BMAL2: variants seen among roughly 807,000 people sequenced by gnomAD.
BMAL2 encodes basic helix-loop-helix ARNT-like protein 2.
chr12:27,418,977 TAA>T, the BMAL2 span, among the ~76,000 whole-genome samples: 1 of 147,546 alleles, frequency 6.8e-6, no homozygotes, highest in East Asian at 2.0e-4. Context: ...AGACTCCATC[TAA>T]AAAAAAAAAA....
At chr12:27,390,369 G>A in the BMAL2 span, 1 of 1,124,276 alleles carries the variant, frequency 8.9e-7, no homozygotes, top group African/African-American at 1.6e-5. Context: ...TTAAAAATAA[G>A]ATTTTTTTAA....
At chr12:27,380,178 T>G in the BMAL2 span, 2 of 1,492,760 alleles carry the variant, frequency 1.3e-6, no homozygotes, top group Non-Finnish European at 1.8e-6. Flanking sequence ...TCTGCTCCAG[T>G]GAGCAACACG....
chr12:27,372,671 T>A, the BMAL2 span, among the ~76,000 whole-genome samples: 23 of 152,136 alleles, frequency 1.5e-4, no homozygotes, highest in East Asian at 3.9e-4. Flanking sequence ...TATTATTATT[T>A]TTTTTTATTT....
At chr12:27,389,854 C>A in the BMAL2 span, 2 of 339,098 alleles carry the variant, frequency 5.9e-6, no homozygotes, top group Non-Finnish European at 5.2e-6. Flanking sequence ...TTTGTTCTTC[C>A]CCATTTGAGG....
At chr12:27,417,469 TTGGAG>T in the BMAL2 span, among the ~76,000 whole-genome samples, 3 of 152,194 alleles carry the variant, frequency 2.0e-5, no homozygotes, top group African/African-American at 7.2e-5. Flanking sequence ...AATGCAGGCT[TTGGAG>T]TCAGGTAGAC....
the BMAL2 span, among the ~76,000 whole-genome samples, chr12:27,377,906 G>A: frequency 7.2e-5 from 11 of 152,274 alleles, no homozygotes; most frequent in Non-Finnish European, 1.3e-4. Flanking sequence ...TTGGGGCAGG[G>A]GGTGTGGTAG....
chr12:27,392,328 C>CAA, the BMAL2 span, among the ~76,000 whole-genome samples: 1 of 152,150 alleles, frequency 6.6e-6, no homozygotes, highest in African/African-American at 2.4e-5. Context: ...CTCTTACAAA[C>CAA]ACTATTGGAA....
chr12:27,403,553 T>G, the BMAL2 span: 5 of 1,478,036 alleles, frequency 3.4e-6, no homozygotes, highest in Non-Finnish European at 4.7e-6. Context: ...TAATGTTTTA[T>G]TGCTGCAAAT....
chr12:27,407,607 A>C, the BMAL2 span, among the ~76,000 whole-genome samples: 2 of 152,188 alleles, frequency 1.3e-5, no homozygotes, highest in East Asian at 3.8e-4. Context: ...TGTAGAGGGA[A>C]ATTTATAGCA....
the BMAL2 span, among the ~76,000 whole-genome samples, chr12:27,382,326 C>T: frequency 1.3e-5 from 2 of 152,152 alleles, no homozygotes; most frequent in Non-Finnish European, 2.9e-5. Context: ...GAGCATCAAC[C>T]GCATTCCTGT....
chr12:27,370,079 A>C, the BMAL2 span: 1 of 1,371,498 alleles, frequency 7.3e-7, no homozygotes, highest in Non-Finnish European at 1.0e-6. Context: ...CTTGCTGTCC[A>C]TTCCCAGAAC....
the BMAL2 span, chr12:27,387,339 A>C: frequency 1.3e-6 from 2 of 1,489,724 alleles, no homozygotes; most frequent in Admixed American, 3.5e-5. Flanking sequence ...AAATGAGGAT[A>C]TTTTCCATAC....
At chr12:27,349,604 A>G in the BMAL2 span, among the ~76,000 whole-genome samples, 536 of 152,276 alleles carry the variant, frequency 3.5e-3, 2 homozygotes, top group Non-Finnish European at 5.5e-3. Context: ...AAGGCACACT[A>G]GTGTCTGTTT....
At chr12:27,343,070 TTCTC>T in the BMAL2 span, among the ~76,000 whole-genome samples, 1 of 152,354 alleles carries the variant, frequency 6.6e-6, no homozygotes, top group East Asian at 1.9e-4. Context: ...CTTTCGCTGT[TTCTC>T]TAGGAAGCAC....
chr12:27,377,677 G>A, the BMAL2 span, among the ~76,000 whole-genome samples: 1 of 152,170 alleles, frequency 6.6e-6, no homozygotes, highest in Non-Finnish European at 1.5e-5. Context: ...GAAGTTTGAG[G>A]CTGCAGTGAG....
the BMAL2 span, among the ~76,000 whole-genome samples, chr12:27,365,827 A>T: frequency 6.6e-6 from 1 of 151,082 alleles, no homozygotes; most frequent in Non-Finnish European, 1.5e-5. Flanking sequence ...CTACACTCTT[A>T]TATGTTTATA....
the BMAL2 span, among the ~76,000 whole-genome samples, chr12:27,348,574 A>T: frequency 6.6e-6 from 1 of 152,158 alleles, no homozygotes; most frequent in Non-Finnish European, 1.5e-5. Flanking sequence ...TCACTTTAAG[A>T]TTATATGACT....
At chr12:27,401,618 C>T in the BMAL2 span, 1 of 1,611,514 alleles carries the variant, frequency 6.2e-7, no homozygotes, top group Non-Finnish European at 8.5e-7. Context: ...GGTTTAGTTT[C>T]ACAAATCCTT....
chr12:27,360,803 C>CAA, the BMAL2 span, among the ~76,000 whole-genome samples: 170 of 46,780 alleles, frequency 3.6e-3, 15 homozygotes, highest in Non-Finnish European at 4.2e-3. Flanking sequence ...GTGATTTGTC[C>CAA]AAAAAAAAAA....
Sources: allele counts gnomAD v4.1 joint callset (sites outside exome capture counted in the v4.1 genomes callset), GRCh38; gene constraint gnomAD v4.1.1; transcripts MANE v1.5; gene names NCBI Gene and HGNC (gene_info 2026-07-23, HGNC 2026-07-21).